SLIT3: variants seen among roughly 807,000 people sequenced by gnomAD.
SLIT3 encodes the protein slit homolog 3 protein.
In SLIT3, 68 loss-of-function variants were observed where a neutral mutation model predicts 184.0. The observed-to-expected ratio is 0.37, with a 90% confidence interval of 0.30 to 0.45. The LOEUF (loss-of-function observed/expected upper bound fraction) is 0.45. Among genes scored for constraint, SLIT3 ranks in the 20% least tolerant of loss-of-function variants. The pLI is 1.00. For missense variants in SLIT3, 1,707 were observed against 2,026.0 expected (o/e 0.84, Z 3.02); for synonymous variants, 831 against 828.6 (o/e 1.00, Z -0.05).
At chr5:169,270,848 C>A (rs530427054) in intron 1 of SLIT3, among the ~76,000 whole-genome samples, 2 of 152,288 alleles carry the variant, frequency 1.3e-5, no homozygotes, top group South Asian at 4.2e-4. Context: ...TTTTAACTCT[C>A]TGTGCCTCTA....
chr5:168,746,345 GT>G (rs1270568371), intron 20 of SLIT3, among the ~76,000 whole-genome samples: 2 of 131,662 alleles, frequency 1.5e-5, no homozygotes. Flanking sequence ...GTGTGGTGGT[GT>G]GGGTGTGTGG....
intron 20 of SLIT3, among the ~76,000 whole-genome samples, chr5:168,737,147 A>G (rs779319272): frequency 6.6e-6 from 1 of 151,884 alleles, no homozygotes; most frequent in Non-Finnish European, 1.5e-5. Context: ...CAGAGCACAT[A>G]TTGCCTGAGC....
intron 20 of SLIT3, among the ~76,000 whole-genome samples, chr5:168,729,198 T>A (rs1763222627): frequency 6.6e-6 from 1 of 151,794 alleles, no homozygotes; most frequent in Non-Finnish European, 1.5e-5. Context: ...GGAAAAGAGA[T>A]CAAAAAGTTT....
At chr5:168,853,139 T>C (rs1260424025) in intron 5 of SLIT3, among the ~76,000 whole-genome samples, 1 of 152,252 alleles carries the variant, frequency 6.6e-6, no homozygotes, top group Admixed American at 6.5e-5. Context: ...AGATATTCAA[T>C]ATATTCTTTC....
At chr5:169,041,148 A>G (rs148302490) in intron 4 of SLIT3, among the ~76,000 whole-genome samples, 117 of 152,330 alleles carry the variant, frequency 7.7e-4, no homozygotes, top group African/African-American at 2.7e-3. Context: ...GATATCTGGA[A>G]TATTCACCTA....
intron 14 of SLIT3, among the ~76,000 whole-genome samples, chr5:168,767,496 G>A (rs544714659): frequency 6.6e-6 from 1 of 152,326 alleles, no homozygotes; most frequent in East Asian, 1.9e-4. Context: ...AGCACCAGGT[G>A]AGGAGCCCAG....
At chr5:169,085,173 G>A (rs1256059294) in intron 4 of SLIT3, among the ~76,000 whole-genome samples, 1 of 152,104 alleles carries the variant, frequency 6.6e-6, no homozygotes, top group Non-Finnish European at 1.5e-5. Flanking sequence ...GGGTTTACTT[G>A]CTTCCTGGGC....
chr5:168,689,347 A>G (rs968324694), intron 29 of SLIT3, among the ~76,000 whole-genome samples: 2 of 152,214 alleles, frequency 1.3e-5, no homozygotes, highest in African/African-American at 2.4e-5. Flanking sequence ...ATGCATTTTA[A>G]TATGTGTTGG....
intron 12 of SLIT3, among the ~76,000 whole-genome samples, chr5:168,778,873 C>A (rs1755863186): frequency 1.3e-5 from 2 of 152,248 alleles, no homozygotes. Context: ...TCAGGCTGGA[C>A]TGCCTGGTGA....
At chr5:169,298,376 T>A (rs1767578679) in intron 1 of SLIT3, among the ~76,000 whole-genome samples, 1 of 152,012 alleles carries the variant, frequency 6.6e-6, no homozygotes, top group East Asian at 1.9e-4. Flanking sequence ...GCTGCACAGA[T>A]CCCCTAAGGA....
Position 169,152,628 on chromosome 5 carries a change from C to T in SLIT3, c.413+40851G>A, listed in dbSNP as rs567430173. ...AGAGTCTACTCTAGAGCTGTGTGGG[C>T]GTGGCACATGGTGAACGTCAAGATC... On this transcript the variant is annotated intron_variant, in intron 4 of 35. Coordinates refer to ENST00000519560, the MANE Select transcript of SLIT3 (RefSeq NM_003062.4). Among the ~76,000 whole-genome samples, 198 of 152,180 alleles carry T rather than the reference C, an allele frequency of 1.3e-3. 1 individual carries two copies. Among genetic ancestry groups the T allele is most frequent in the African/African-American group, 4.3e-3 (180 of 41,510 alleles).
intron 13 of SLIT3, 21 bp downstream of exon 13, chr5:168,774,214 C>A: frequency 1.3e-6 from 2 of 1,573,342 alleles, no homozygotes; most frequent in Non-Finnish European, 1.7e-6. Context: ...CACCCACTGG[C>A]ACCCGAGGCA....
chr5:168,962,163 A>G (rs1304228184), intron 4 of SLIT3, among the ~76,000 whole-genome samples: 1 of 152,150 alleles, frequency 6.6e-6, no homozygotes. Flanking sequence ...GTGGGCTTCA[A>G]TGTCCCACAG....
At chr5:169,054,339 C>G (rs911257356) in intron 4 of SLIT3, among the ~76,000 whole-genome samples, 1 of 151,918 alleles carries the variant, frequency 6.6e-6, no homozygotes, top group East Asian at 1.9e-4. Flanking sequence ...AGGAAAGATC[C>G]TTCCCTAGAG....
At chr5:168,983,541 T>C (rs1755022342) in intron 4 of SLIT3, among the ~76,000 whole-genome samples, 1 of 152,224 alleles carries the variant, frequency 6.6e-6, no homozygotes, top group African/African-American at 2.4e-5. Flanking sequence ...GGGCAGAGGC[T>C]GATGTCCATT....
intron 20 of SLIT3, among the ~76,000 whole-genome samples, chr5:168,736,580 C>T (rs142490603): frequency 4.3e-3 from 656 of 152,304 alleles, no homozygotes; most frequent in Middle Eastern, 0.014. Context: ...GCCCAGCTGT[C>T]AGGATGGACA....
intron 4 of SLIT3, among the ~76,000 whole-genome samples, chr5:168,948,205 C>T (rs767520076): frequency 6.6e-6 from 1 of 152,220 alleles, no homozygotes; most frequent in Non-Finnish European, 1.5e-5. Context: ...AGCAACACCC[C>T]TGCCTTGTCC....
chr5:169,239,169 C>T (rs1484588239), intron 3 of SLIT3, among the ~76,000 whole-genome samples: 1 of 152,108 alleles, frequency 6.6e-6, no homozygotes, highest in Admixed American at 6.5e-5. Flanking sequence ...ATTAAACCAA[C>T]CTTGCCTTCT....
In SLIT3 at chr5:169,228,025, G is replaced by A. The variant is rs1352965899; in HGVS notation, c.341+16680C>T. ...CTAAGTAAGTGCCCAGGTTCCCAAC[G>A]GAAGGCCTGATGGCATGTTTTTTCT... On this transcript the variant is annotated intron_variant, in intron 3 of 35. Transcript: ENST00000519560. Among the ~76,000 whole-genome samples, 9 of 152,168 alleles carry A rather than the reference G, an allele frequency of 5.9e-5. No individual in the cohort carries two copies. The South Asian group carries it at 1.2e-3, about 21-fold the overall frequency.
Sources: gnomAD v4.1 joint callset for allele counts (sites outside exome capture counted in the v4.1 genomes callset) on GRCh38, gnomAD v4.1.1 for gene constraint, MANE v1.5 for transcripts, NCBI Gene and HGNC (gene_info 2026-07-23, HGNC 2026-07-21) for gene names.